Variants in PPP2R2B observed in about 807,000 individuals in gnomAD.
The protein encoded by PPP2R2B is protein phosphatase 2 regulatory subunit Bbeta.
A neutral mutation model predicts 46.0 loss-of-function variants in PPP2R2B; 5 were observed. The observed-to-expected ratio is 0.11, with a 90% CI of 0.06 to 0.23. PPP2R2B has a LOEUF of 0.23. Among genes scored for constraint, PPP2R2B ranks in the 10% least tolerant of loss-of-function variants. The pLI, the probability that PPP2R2B is intolerant of heterozygous loss-of-function variation, is 1.00. For synonymous variants in PPP2R2B, 215 were observed against 206.7 expected, an observed-to-expected ratio of 1.04 and a Z score of -0.34; for missense variants, 367 against 575.0, an observed-to-expected ratio of 0.64 and a Z score of 3.70.
At chr5:146,882,348 A>T (rs2151423227), upstream of PPP2R2B, among the ~76,000 whole-genome samples, 1 of 152,316 alleles carries the variant, frequency 6.6e-6, no homozygotes, top group South Asian at 2.1e-4. Context: ...CATAGAACTT[A>T]AATTCTATCA....
intron 2 of PPP2R2B, among the ~76,000 whole-genome samples, chr5:146,778,374 A>T (rs1050416784): frequency 2.6e-5 from 4 of 152,232 alleles, no homozygotes; most frequent in Admixed American, 2.6e-4. Context: ...GTTTCCAAGG[A>T]GAACACCCAG....
chr5:146,995,164 C>T (rs1413166236), intron 1 of PPP2R2B, among the ~76,000 whole-genome samples: 1 of 152,202 alleles, frequency 6.6e-6, no homozygotes, highest in Admixed American at 6.5e-5. Flanking sequence ...TTATATGTCA[C>T]TTCTTCAGAG....
intron 1 of PPP2R2B, among the ~76,000 whole-genome samples, chr5:146,977,788 G>T (rs1752989953): frequency 6.6e-6 from 1 of 152,078 alleles, no homozygotes; most frequent in East Asian, 1.9e-4. Context: ...ATGGGCATTT[G>T]GATTGGTTCT....
At chr5:146,967,669 A>G (rs1362816451) in intron 1 of PPP2R2B, among the ~76,000 whole-genome samples, 1 of 152,196 alleles carries the variant, frequency 6.6e-6, no homozygotes, top group East Asian at 1.9e-4. Flanking sequence ...AGCCCCACTC[A>G]GTAAAGCACT....
intron 2 of PPP2R2B, among the ~76,000 whole-genome samples, chr5:146,717,684 G>A (rs1283286928): frequency 6.6e-6 from 1 of 152,036 alleles, no homozygotes; most frequent in Non-Finnish European, 1.5e-5. Flanking sequence ...CTTTTGGTAG[G>A]TCATCATTAA....
chr5:146,907,835 G>A (rs1430363445), intron 1 of PPP2R2B, among the ~76,000 whole-genome samples: 2 of 152,110 alleles, frequency 1.3e-5, no homozygotes, highest in Non-Finnish European at 2.9e-5. Flanking sequence ...CAATCAAATG[G>A]TGAGGTTCTT....
chr5:147,016,133 C>T (rs1016889319), intron 1 of PPP2R2B, among the ~76,000 whole-genome samples: 3 of 151,548 alleles, frequency 2.0e-5, no homozygotes, highest in Non-Finnish European at 4.4e-5. Flanking sequence ...CCCAGGAGTT[C>T]GAGACCAGCC....
At chr5:146,887,536 A>G (rs1762368054) in intron 1 of PPP2R2B, among the ~76,000 whole-genome samples, 1 of 152,206 alleles carries the variant, frequency 6.6e-6, no homozygotes, top group Admixed American at 6.5e-5. Flanking sequence ...TTTGAATCCA[A>G]TCTGCATTTT....
At chr5:146,776,273 C>T (rs1270741053) in intron 2 of PPP2R2B, among the ~76,000 whole-genome samples, 1 of 152,044 alleles carries the variant, frequency 6.6e-6, no homozygotes, top group African/African-American at 2.4e-5. Flanking sequence ...CTATATTAAT[C>T]AAAATGATGT....
At chr5:146,868,264 C>G (rs992575411) in intron 2 of PPP2R2B, among the ~76,000 whole-genome samples, 1 of 152,250 alleles carries the variant, frequency 6.6e-6, no homozygotes, top group Non-Finnish European at 1.5e-5. Flanking sequence ...TCTGCAGCAG[C>G]TTTTGGCAAA....
chr5:146,922,894 T>C (rs1243225495), intron 1 of PPP2R2B, among the ~76,000 whole-genome samples: 1 of 150,206 alleles, frequency 6.7e-6, no homozygotes, highest in Admixed American at 6.6e-5. Flanking sequence ...GAAGAGGTTC[T>C]CTCTCCCTGT....
chr5:146,734,220 T>C (rs6580441), intron 2 of PPP2R2B, among the ~76,000 whole-genome samples: 12,793 of 151,998 alleles, frequency 0.084, 1,253 homozygotes, highest in African/African-American at 0.24. Flanking sequence ...CATACCTGGC[T>C]AATGTTTTTA....
At chr5:146,665,889 A>G (rs763951165) in intron 5 of PPP2R2B, among the ~76,000 whole-genome samples, 1 of 152,258 alleles carries the variant, frequency 6.6e-6, no homozygotes, top group Non-Finnish European at 1.5e-5. Flanking sequence ...GCACAGAGAC[A>G]TGAAATGAGC....
chr5:146,655,112 C>T (rs1370580278), intron 5 of PPP2R2B, among the ~76,000 whole-genome samples: 11 of 152,130 alleles, frequency 7.2e-5, no homozygotes, highest in East Asian at 1.9e-4. Flanking sequence ...TGATGTCCCC[C>T]GATTCAGGTG....
At chr5:146,780,186 T>G (rs551963395) in intron 2 of PPP2R2B, among the ~76,000 whole-genome samples, 19 of 152,286 alleles carry the variant, frequency 1.2e-4, no homozygotes, top group African/African-American at 3.8e-4. Flanking sequence ...ACAAAAAGCC[T>G]CAATTATCTC....
chr5:147,060,335 A>T (rs1229542384), upstream of PPP2R2B, among the ~76,000 whole-genome samples: 1 of 152,188 alleles, frequency 6.6e-6, no homozygotes, highest in Admixed American at 6.5e-5. Context: ...CAGATAAAAT[A>T]CCTACTCTCA....
intron 1 of PPP2R2B, among the ~76,000 whole-genome samples, chr5:146,947,614 T>C (rs1264957899): frequency 6.6e-6 from 1 of 151,962 alleles, no homozygotes; most frequent in Non-Finnish European, 1.5e-5. Flanking sequence ...TTTAAAGCCT[T>C]ATATACCTGG....
intron 1 of PPP2R2B, among the ~76,000 whole-genome samples, chr5:146,913,924 T>C (rs1763281914): frequency 1.3e-5 from 2 of 152,324 alleles, no homozygotes; most frequent in South Asian, 4.1e-4. Flanking sequence ...TTTGGTAGGA[T>C]TTTTGTTCTG....
intron 6 of PPP2R2B, among the ~76,000 whole-genome samples, chr5:146,642,078 T>C (rs1340662446): frequency 1.3e-5 from 2 of 152,196 alleles, no homozygotes; most frequent in African/African-American, 2.4e-5. Context: ...TTACATCTGC[T>C]AACAAAAGGG....
Sources: allele counts gnomAD v4.1 joint callset (sites outside exome capture counted in the v4.1 genomes callset), GRCh38; gene constraint gnomAD v4.1.1; transcripts MANE v1.5; gene names NCBI Gene and HGNC (gene_info 2026-07-23, HGNC 2026-07-21).